EYS: variants seen among roughly 807,000 people sequenced by gnomAD.
EYS encodes EGF-like photoreceptor maintenance factor.
EYS carries 250 observed loss-of-function variants against 282.1 expected under a neutral mutation model. That is an observed-to-expected ratio of 0.89 (90% CI 0.80 to 0.98). The LOEUF (loss-of-function observed/expected upper bound fraction) is 0.98. Among genes scored for constraint, EYS ranks in the 50% least tolerant of loss-of-function variants. The pLI, the probability that EYS is intolerant of heterozygous loss-of-function variation, is 0.00. For missense variants in EYS, 4,016 were observed against 3,709.0 expected, an observed-to-expected ratio of 1.08 and a Z score of -2.15; for synonymous variants, 1,355 against 1,282.9, an observed-to-expected ratio of 1.06 and a Z score of -1.20.
chr6:64,130,033 C>CGTG (rs1773918074), intron 31 of EYS, among the ~76,000 whole-genome samples: 1 of 152,102 alleles, frequency 6.6e-6, no homozygotes, highest in East Asian at 1.9e-4. Context: ...GTTACTGTAG[C>CGTG]CTTGTAGTAT....
intron 5 of EYS, among the ~76,000 whole-genome samples, chr6:65,446,625 A>G (rs937381823): frequency 6.6e-6 from 1 of 151,856 alleles, no homozygotes; most frequent in African/African-American, 2.4e-5. Context: ...GAAAGCTGAA[A>G]AAGCCAGAGG....
At chr6:64,896,540 T>G (rs1583271742) in intron 18 of EYS, among the ~76,000 whole-genome samples, 1 of 88,462 alleles carries the variant, frequency 1.1e-5, no homozygotes, top group African/African-American at 3.4e-5. Flanking sequence ...GCTGCAGGAG[T>G]TGTTGTTTTT....
chr6:63,734,982 A>G (rs1321794200), intron 41 of EYS, among the ~76,000 whole-genome samples: 2 of 152,128 alleles, frequency 1.3e-5, no homozygotes, highest in East Asian at 3.8e-4. Flanking sequence ...AAATATATAC[A>G]AATATTTGCT....
chr6:65,043,320 G>A (rs1215794268), intron 13 of EYS, among the ~76,000 whole-genome samples: 1 of 151,402 alleles, frequency 6.6e-6, no homozygotes, highest in Non-Finnish European at 1.5e-5. Flanking sequence ...ATAACTAAGT[G>A]TAATAAATAT....
intron 36 of EYS, among the ~76,000 whole-genome samples, chr6:63,823,387 C>T (rs1771374409): frequency 6.6e-6 from 1 of 152,100 alleles, no homozygotes; most frequent in South Asian, 2.1e-4. Flanking sequence ...TAAAATAGTA[C>T]ATGTTTAATT....
At chr6:64,310,375 G>A (rs1028258113) in intron 29 of EYS, among the ~76,000 whole-genome samples, 2 of 152,074 alleles carry the variant, frequency 1.3e-5, no homozygotes, top group African/African-American at 2.4e-5. Context: ...AATGTACATA[G>A]ACACAATGGA....
chr6:64,406,727 A>G (rs1317655716), intron 28 of EYS, among the ~76,000 whole-genome samples: 1 of 152,240 alleles, frequency 6.6e-6, no homozygotes, highest in Admixed American at 6.5e-5. Flanking sequence ...TGGTTATTAC[A>G]GAAATGCAAA....
At chr6:65,186,186 ATTAT>A (rs1765513292) in intron 12 of EYS, among the ~76,000 whole-genome samples, 1 of 151,738 alleles carries the variant, frequency 6.6e-6, no homozygotes, top group African/African-American at 2.4e-5. Context: ...TGTTCCTGAA[ATTAT>A]TTGAGAGAAC....
chr6:65,422,347 C>A (rs556390658), intron 5 of EYS, among the ~76,000 whole-genome samples: 1 of 151,856 alleles, frequency 6.6e-6, no homozygotes, highest in Admixed American at 6.6e-5. Flanking sequence ...CCATGACTGA[C>A]TAAAGTTGGA....
chr6:65,012,482 T>A (rs76719046), intron 13 of EYS, among the ~76,000 whole-genome samples: 10,856 of 152,228 alleles, frequency 0.071, 455 homozygotes, highest in African/African-American at 0.12. Context: ...TATACAGTCA[T>A]CATTAAGTCC....
At chr6:65,288,906 A>C (rs929469198) in intron 12 of EYS, among the ~76,000 whole-genome samples, 3 of 151,204 alleles carry the variant, frequency 2.0e-5, no homozygotes, top group Non-Finnish European at 4.5e-5. Context: ...TGCAATCCCT[A>C]GGTTAAGCAC....
rs1561997103 is a variant in EYS at position 64,442,625 on chromosome 6, C to A, written c.5645-3273G>T. Among the ~76,000 whole-genome samples the A allele has an allele frequency of 3.3e-5, 5 of 152,198 alleles. No homozygotes were observed. The South Asian group carries it at 1.0e-3, about 32-fold the overall frequency. On this transcript the variant is annotated intron_variant, in intron 26 of 42. Coordinates refer to ENST00000503581, the MANE Select transcript of EYS (RefSeq NM_001142800.2). Reference sequence around the variant, plus strand: ...AGGCTAAGGGTATTTCCGCTGTGTGCAGTCTAGGGATTTGATGTCCTATGT... The same window carrying A: ...AGGCTAAGGGTATTTCCGCTGTGTGAAGTCTAGGGATTTGATGTCCTATGT...
At chr6:64,140,988 C>T (rs567330969) in intron 31 of EYS, among the ~76,000 whole-genome samples, 41 of 152,264 alleles carry the variant, frequency 2.7e-4, no homozygotes, top group Admixed American at 7.8e-4. Context: ...TATGACCTTG[C>T]AATATTTTCT....
intron 26 of EYS, among the ~76,000 whole-genome samples, chr6:64,513,582 T>C (rs781390276): frequency 3.0e-4 from 46 of 151,908 alleles, no homozygotes; most frequent in Admixed American, 1.2e-3. Flanking sequence ...GGGCAGCTAA[T>C]GGATAACACT....
intron 5 of EYS, among the ~76,000 whole-genome samples, chr6:65,422,541 C>T (rs1767504846): frequency 6.6e-6 from 1 of 151,590 alleles, no homozygotes; most frequent in African/African-American, 2.4e-5. Flanking sequence ...AGAAAAAATG[C>T]AAATGCCCAA....
At chr6:64,063,202 T>C (rs1771240262) in intron 33 of EYS, among the ~76,000 whole-genome samples, 1 of 152,206 alleles carries the variant, frequency 6.6e-6, no homozygotes, top group South Asian at 2.1e-4. Context: ...TGCACAGTGA[T>C]GACTCATGAA....
At chr6:64,482,029 A>T (rs1776451252) in intron 26 of EYS, among the ~76,000 whole-genome samples, 1 of 151,770 alleles carries the variant, frequency 6.6e-6, no homozygotes, top group African/African-American at 2.4e-5. Context: ...TGGTTAACTC[A>T]GCCCTATTCT....
At chr6:65,194,234 A>G (rs775343676) in intron 12 of EYS, among the ~76,000 whole-genome samples, 7 of 151,534 alleles carry the variant, frequency 4.6e-5, no homozygotes, top group African/African-American at 7.3e-5. Flanking sequence ...TAAAAAAGAA[A>G]ACAATCAAAC....
At chr6:64,247,369 C>T (rs1176689211) in intron 30 of EYS, among the ~76,000 whole-genome samples, 5 of 152,122 alleles carry the variant, frequency 3.3e-5, no homozygotes, top group African/African-American at 1.2e-4. Flanking sequence ...CTTCCTGAAG[C>T]TCATAGGAGT....
Sources: allele counts gnomAD v4.1 joint callset (sites outside exome capture counted in the v4.1 genomes callset), GRCh38; gene constraint gnomAD v4.1.1; transcripts MANE v1.5; gene names NCBI Gene and HGNC (gene_info 2026-07-23, HGNC 2026-07-21).